The following GRID2 variants were observed in gnomAD, a reference collection of about 807,000 sequenced individuals.
The protein encoded by GRID2 is glutamate receptor ionotropic, delta-2.
GRID2 carries 33 observed loss-of-function variants against 114.8 expected under a neutral mutation model. The ratio of observed to expected loss-of-function variants is 0.29; its 90% CI spans 0.22 to 0.38. The LOEUF (loss-of-function observed/expected upper bound fraction) is 0.38. Ranked by LOEUF, GRID2 falls within the 10% of genes least tolerant of loss-of-function variation. GRID2 has a pLI of 1.00. For synonymous variants in GRID2, 505 were observed against 449.9 expected, an observed-to-expected ratio of 1.12 and a Z score of -1.55; for missense variants, 1,184 against 1,257.7, an observed-to-expected ratio of 0.94 and a Z score of 0.89.
At chr4:92,683,206 G>A (rs1479655140) in intron 2 of GRID2, among the ~76,000 whole-genome samples, 1 of 152,048 alleles carries the variant, frequency 6.6e-6, no homozygotes, top group Non-Finnish European at 1.5e-5. Context: ...GGCTGAGGCA[G>A]GAGAATCTCG....
At chr4:92,879,727 C>G (rs1458441227) in intron 2 of GRID2, among the ~76,000 whole-genome samples, 1 of 152,160 alleles carries the variant, frequency 6.6e-6, no homozygotes, top group African/African-American at 2.4e-5. Flanking sequence ...GAAAAATAAG[C>G]TTTAATCACA....
chr4:92,306,611 T>C (rs1725421318), intron 1 of GRID2, among the ~76,000 whole-genome samples: 1 of 152,236 alleles, frequency 6.6e-6, no homozygotes, highest in South Asian at 2.1e-4. Flanking sequence ...TTTAAATCGC[T>C]TATTCTGTGG....
At chr4:93,259,103 G>A (rs1447254519) in intron 8 of GRID2, among the ~76,000 whole-genome samples, 1 of 151,778 alleles carries the variant, frequency 6.6e-6, no homozygotes, top group Non-Finnish European at 1.5e-5. Flanking sequence ...GTTGATCTTG[G>A]TGACATTCTC....
intron 2 of GRID2, among the ~76,000 whole-genome samples, chr4:92,966,616 A>G (rs539881916): frequency 1.3e-5 from 2 of 151,946 alleles, no homozygotes; most frequent in African/African-American, 4.8e-5. Flanking sequence ...GTCTCACAAG[A>G]TCTGATGTTT....
intron 1 of GRID2, among the ~76,000 whole-genome samples, chr4:92,504,690 A>G (rs904380530): frequency 6.6e-6 from 1 of 152,036 alleles, no homozygotes; most frequent in Non-Finnish European, 1.5e-5. Flanking sequence ...AATATTTGGC[A>G]GGCAGTTTGA....
intron 14 of GRID2, among the ~76,000 whole-genome samples, chr4:93,723,223 T>A (rs1420380352): frequency 2.0e-5 from 3 of 152,336 alleles, no homozygotes; most frequent in Middle Eastern, 3.4e-3. Flanking sequence ...GTCATTACCA[T>A]GTGAGTAACT....
intron 8 of GRID2, among the ~76,000 whole-genome samples, chr4:93,370,152 C>T (rs1762726970): frequency 6.6e-6 from 1 of 152,052 alleles, no homozygotes; most frequent in Non-Finnish European, 1.5e-5. Context: ...ATCCTTGATG[C>T]TATCCTTCTC....
intron 14 of GRID2, among the ~76,000 whole-genome samples, chr4:93,751,007 C>T (rs1276542665): frequency 6.6e-6 from 1 of 152,158 alleles, no homozygotes; most frequent in African/African-American, 2.4e-5. Flanking sequence ...GTGAATTAAA[C>T]TGAGGGTCCA....
At chr4:92,865,103 A>C (rs909817982) in intron 2 of GRID2, among the ~76,000 whole-genome samples, 3 of 152,160 alleles carry the variant, frequency 2.0e-5, no homozygotes, top group South Asian at 2.1e-4. Flanking sequence ...AACTCGAGTG[A>C]GGTTTGAGGT....
intron 1 of GRID2, among the ~76,000 whole-genome samples, chr4:92,421,539 G>A (rs1315269007): frequency 6.6e-6 from 1 of 152,122 alleles, no homozygotes; most frequent in Admixed American, 6.6e-5. Context: ...TTTTGACCCT[G>A]TAAGATCTAT....
chr4:92,489,316 T>C (rs1391659732), intron 1 of GRID2, among the ~76,000 whole-genome samples: 1 of 152,164 alleles, frequency 6.6e-6, no homozygotes, highest in African/African-American at 2.4e-5. Context: ...CTAAATGTTA[T>C]TTAAGAAATC....
Position 93,212,410 on chromosome 4 carries a change from A to T in GRID2, c.790-4328A>T, listed in dbSNP as rs368729335. Among the ~76,000 whole-genome samples, 6 of 152,248 alleles carry T rather than the reference A, an allele frequency of 3.9e-5. No individual in the cohort carries two copies. The East Asian group carries it at 1.2e-3, about 29-fold the overall frequency. Reference sequence around the variant, plus strand: ...CTGTGCTAGCTCATATGGTGTAATCAATCATATGTTAGTACTTGGTAATAG... The same window carrying T: ...CTGTGCTAGCTCATATGGTGTAATCTATCATATGTTAGTACTTGGTAATAG... On this transcript the variant is annotated intron_variant, in intron 5 of 15. Transcript: ENST00000282020.
At chr4:92,651,917 G>C (rs1353963414) in intron 2 of GRID2, among the ~76,000 whole-genome samples, 3 of 152,044 alleles carry the variant, frequency 2.0e-5, no homozygotes, top group South Asian at 2.1e-4. Context: ...CTTTTTCTCT[G>C]TCAACTTTCA....
chr4:93,275,311 GATTA>G (rs1751930116), intron 8 of GRID2, among the ~76,000 whole-genome samples: 1 of 151,580 alleles, frequency 6.6e-6, no homozygotes, highest in South Asian at 2.1e-4. Context: ...TTTATCCATT[GATTA>G]ATTAATAAAC....
intron 2 of GRID2, among the ~76,000 whole-genome samples, chr4:93,040,131 T>A (rs1725359623): frequency 1.3e-5 from 2 of 152,238 alleles, no homozygotes; most frequent in Non-Finnish European, 2.9e-5. Context: ...TTCAGGAAGA[T>A]GTGTATAGGA....
chr4:92,898,073 A>G (rs1367174074), intron 2 of GRID2, among the ~76,000 whole-genome samples: 1 of 152,188 alleles, frequency 6.6e-6, no homozygotes, highest in African/African-American at 2.4e-5. Context: ...AAAATACAAA[A>G]CAAGTTCAAA....
At position 93,338,997 on chromosome 4, in the gene GRID2, C is replaced by G. The variant is rs572965172; in HGVS notation, c.1246-56610C>G. ...CTTGAATCACTTGCTTTAGAGGAAG[C>G]TAGCTACCAAGTTGTGAGAACACCA... is the stretch of plus-strand genomic sequence containing the variant. On this transcript the variant is annotated intron_variant, in intron 8 of 15. Transcript: ENST00000282020. Among the ~76,000 whole-genome samples the G allele has an allele frequency of 1.2e-4, 18 of 152,230 alleles. No homozygotes were observed. The South Asian group carries it at 3.5e-3, about 30-fold the overall frequency.
chr4:93,299,531 C>T (rs2149164470), intron 8 of GRID2, among the ~76,000 whole-genome samples: 1 of 124,446 alleles, frequency 8.0e-6, no homozygotes, highest in Middle Eastern at 6.3e-3. Flanking sequence ...AGGGGAACAT[C>T]ACACACTGGG....
At chr4:92,980,125 C>T (rs1386939522) in intron 2 of GRID2, among the ~76,000 whole-genome samples, 1 of 152,054 alleles carries the variant, frequency 6.6e-6, no homozygotes, top group African/African-American at 2.4e-5. Context: ...ATATTAATTA[C>T]AAATATGTTG....
Sources: gnomAD v4.1 joint callset for allele counts (sites outside exome capture counted in the v4.1 genomes callset) on GRCh38, gnomAD v4.1.1 for gene constraint, MANE v1.5 for transcripts, NCBI Gene and HGNC (gene_info 2026-07-23, HGNC 2026-07-21) for gene names.